CPS1: variants seen among roughly 807,000 people sequenced by gnomAD.
CPS1 encodes carbamoyl-phosphate synthase 1.
CPS1 carries 109 observed loss-of-function variants against 174.6 expected under a neutral mutation model. That is an observed-to-expected ratio of 0.62 (90% confidence interval 0.53 to 0.73). CPS1 has a LOEUF of 0.73. CPS1 is among the 30% of genes least tolerant of loss of function. CPS1 has a pLI of 0.00. For missense variants in CPS1, 1,689 were observed against 1,821.9 expected (o/e 0.93, Z 1.33); for synonymous variants, 637 against 632.0 (o/e 1.01, Z -0.12).
At chr2:210,577,547 G>C (rs759865421) in intron 4 of CPS1, 37 bp downstream of exon 4, 15 of 1,416,852 alleles carry the variant, frequency 1.1e-5, no homozygotes, top group Non-Finnish European at 1.5e-5. Context: ...ATCACCTAAG[G>C]AAGGTTGAGA....
At chr2:210,567,122 C>G (rs188783482) in intron 1 of CPS1, among the ~76,000 whole-genome samples, 5 of 152,064 alleles carry the variant, frequency 3.3e-5, no homozygotes, top group Non-Finnish European at 1.5e-5. Context: ...GGTCAATCTA[C>G]GTCTACCAGA....
intron 1 of CPS1, among the ~76,000 whole-genome samples, chr2:210,510,605 G>A (rs988324741): frequency 1.5e-4 from 23 of 152,256 alleles, no homozygotes; most frequent in African/African-American, 5.5e-4. Flanking sequence ...GCAACCTACA[G>A]AATGGGACAA....
Position 210,556,695 on chromosome 2 carries a change from T to A in CPS1, c.-39T>A. 6.2e-7 allele frequency: 1 copy of A among 1,608,236 alleles called. No homozygotes were observed. Among genetic ancestry groups the A allele is most frequent in the Non-Finnish European group, 8.5e-7 (1 of 1,177,724 alleles). ...GTCTTATCACACAATCTCATAAAAT[T>A]TATGTAATTTCATTTAATTTTAGCC... On this transcript the variant is annotated 5_prime_UTR_variant, in exon 1 of 38. Transcript: ENST00000233072.
At position 210,582,675 on chromosome 2, in the gene CPS1, A is replaced by G. The variant is rs775957343; in HGVS notation, c.587A>G (p.Asn196Ser). The G allele has an allele frequency of 6.2e-7, 1 of 1,613,354 alleles. No individual in the cohort carries two copies. The highest frequency in any genetic ancestry group is 1.1e-5 in the South Asian group (1 of 91,066). ...CAGCCTGTGGATTTTGTGGATCCAA[A>G]TAAACAGAATTTGATTGCTGAGGTT... ...EGQPVDFVDP[N>S]KQNLIAEVST... Residue 196 changes from asparagine to serine, a missense_variant, in exon 6 of 38, where the codon AAT (asparagine) becomes AGT (serine). Asn to Ser is a conservative substitution (Grantham distance 46). Transcript: ENST00000233072.
chr2:210,485,425 C>T lies in CPS1; in HGVS notation c.3+7659C>T, dbSNP rs190141465. On this transcript the variant is annotated intron_variant, in intron 1 of 38. Coordinates refer to the CPS1 transcript ENST00000430249. ...TCATACCATTTATAATTCCTCCTTCCTGTTTTCCACTGACAATCTCTGTTT... is the reference window on the plus strand; with the variant it reads ...TCATACCATTTATAATTCCTCCTTCTTGTTTTCCACTGACAATCTCTGTTT... 2.0e-5 allele frequency among the ~76,000 whole-genome samples: 3 copies of T among 152,116 alleles called. No homozygotes were observed. In the East Asian group the frequency reaches 5.8e-4, roughly 29 times the overall value.
chr2:210,670,385 A>G (rs891471079), intron 34 of CPS1, among the ~76,000 whole-genome samples: 2 of 152,142 alleles, frequency 1.3e-5, no homozygotes, highest in African/African-American at 4.8e-5. Context: ...GTGACAGAAT[A>G]TACTAAATGG....
At chr2:210,577,942 G>A (rs570022513) in intron 4 of CPS1, among the ~76,000 whole-genome samples, 1 of 151,962 alleles carries the variant, frequency 6.6e-6, no homozygotes, top group Admixed American at 6.6e-5. Flanking sequence ...ATCATTCTAT[G>A]CAATACTTGC....
chr2:210,607,972 A>G (rs578236233), intron 18 of CPS1, among the ~76,000 whole-genome samples: 1 of 151,386 alleles, frequency 6.6e-6, no homozygotes, highest in African/African-American at 2.4e-5. Context: ...TCTTAGGTAC[A>G]GATATGTATA....
At chr2:210,658,231 A>G (rs978995193) in intron 30 of CPS1, 3 of 296,450 alleles carry the variant, frequency 1.0e-5, no homozygotes, top group Non-Finnish European at 2.0e-5. Flanking sequence ...CCCAGCAGGT[A>G]GGTCATTACA....
chr2:210,551,408 A>G (rs1008689468), intron 1 of CPS1, among the ~76,000 whole-genome samples: 1 of 152,026 alleles, frequency 6.6e-6, no homozygotes, highest in Non-Finnish European at 1.5e-5. Flanking sequence ...TATATACTCC[A>G]TGCTGTTGAA....
intron 1 of CPS1, among the ~76,000 whole-genome samples, chr2:210,564,634 C>T (rs973860359): frequency 1.3e-5 from 2 of 152,174 alleles, no homozygotes; most frequent in Non-Finnish European, 2.9e-5. Flanking sequence ...CCTCGGCCTC[C>T]CAAAGTGCTG....
chr2:210,561,701 C>T (rs776898775), intron 1 of CPS1, among the ~76,000 whole-genome samples: 9 of 152,140 alleles, frequency 5.9e-5, no homozygotes, highest in African/African-American at 1.9e-4. Context: ...AAAAAAGCTG[C>T]GCGGGCCAAG....
chr2:210,577,861 C>T (rs931295396), intron 4 of CPS1, among the ~76,000 whole-genome samples: 1 of 152,032 alleles, frequency 6.6e-6, no homozygotes, highest in Non-Finnish European at 1.5e-5. Flanking sequence ...ATGGAACTTG[C>T]TTCATGGGTT....
upstream of CPS1, among the ~76,000 whole-genome samples, chr2:210,555,254 G>A (rs950440702): frequency 7.9e-5 from 12 of 151,804 alleles, no homozygotes; most frequent in Non-Finnish European, 1.5e-4. Context: ...TATCTACTTG[G>A]TGAATTTGCA....
intron 1 of CPS1, among the ~76,000 whole-genome samples, chr2:210,543,422 A>G (rs1574507071): frequency 2.0e-5 from 3 of 151,994 alleles, no homozygotes; most frequent in Admixed American, 2.0e-4. Flanking sequence ...CACCAGGAAG[A>G]TATCATCAAT....
At chr2:210,673,451 G>T (rs1701387857) in intron 34 of CPS1, 1 of 152,226 alleles carries the variant, frequency 6.6e-6, no homozygotes, top group Non-Finnish European at 1.5e-5. Flanking sequence ...CACTAGACAG[G>T]TCCACCTGGG....
chr2:210,533,854 A>T (rs1050071407), intron 1 of CPS1, among the ~76,000 whole-genome samples: 2 of 152,156 alleles, frequency 1.3e-5, no homozygotes, highest in South Asian at 4.1e-4. Flanking sequence ...ATTCATAAAC[A>T]CTGTGGGAGC....
intron 23 of CPS1, 101 bp from the exon 24 acceptor site, chr2:210,639,895 G>A (rs1245902991): frequency 4.8e-6 from 4 of 842,044 alleles, no homozygotes; most frequent in African/African-American, 1.7e-5. Flanking sequence ...GTTAACAAGA[G>A]GAAGATGAGA....
At chr2:210,493,621 A>C (rs77511418) in intron 1 of CPS1, among the ~76,000 whole-genome samples, 2 of 152,232 alleles carry the variant, frequency 1.3e-5, no homozygotes, top group Non-Finnish European at 2.9e-5. Context: ...CAGGATAGAT[A>C]GGTAAAGGGA....
Sources: gnomAD v4.1 joint callset for allele counts (sites outside exome capture counted in the v4.1 genomes callset) on GRCh38, gnomAD v4.1.1 for gene constraint, MANE v1.5 for transcripts, NCBI Gene and HGNC (gene_info 2026-07-23, HGNC 2026-07-21) for gene names.